The following TET3 variants were observed in gnomAD, a reference collection of about 807,000 sequenced individuals.
TET3 encodes the protein methylcytosine dioxygenase TET3.
TET3 carries 19 observed loss-of-function variants against 141.4 expected under a neutral mutation model. That is an observed-to-expected ratio of 0.13 (90% confidence interval 0.09 to 0.20). The LOEUF (loss-of-function observed/expected upper bound fraction) is 0.20. TET3 is among the 10% of genes least tolerant of loss of function. TET3 has a pLI of 1.00. For missense variants in TET3, 1,874 were observed against 2,356.9 expected, an observed-to-expected ratio of 0.80 and a Z score of 4.24; for synonymous variants, 1,043 against 980.9, an observed-to-expected ratio of 1.06 and a Z score of -1.18.
At chr2:74,133,641 C>G in the TET3 span, among the ~76,000 whole-genome samples, 3 of 152,220 alleles carry the variant, frequency 2.0e-5, no homozygotes, top group Non-Finnish European at 4.4e-5. Context: ...AACATGGCTG[C>G]CTTCCCTCAG....
chr2:74,073,567 A>G lies in TET3; in HGVS notation c.2513A>G (p.Asp838Gly). 6.2e-7 allele frequency: 1 copy of G among 1,609,780 alleles called. No homozygotes were observed. The change falls in exon 5 of 12, where the codon GAT becomes GGT. Residue 838 changes from aspartate to glycine, a missense_variant. By Grantham distance (94) the Asp-to-Gly change is moderately conservative. Transcript: ENST00000409262. ...TCTGCAGAACAAATAGTGGAGAAAG[A>G]TGAAGGTCCATATTATACTCACTTG... ...CDCVEQIVEK[D>G]EGPYYTHLGS...
the TET3 span, chr2:74,134,686 G>A: frequency 2.7e-3 from 1,243 of 456,662 alleles, 13 homozygotes; most frequent in African/African-American, 0.022. Flanking sequence ...GTCACAAGAT[G>A]TCTGAGAAAA....
intron 3 of TET3, among the ~76,000 whole-genome samples, chr2:74,016,771 T>A: frequency 6.7e-6 from 1 of 148,238 alleles, no homozygotes. Flanking sequence ...CCAATAAAAA[T>A]GTATAGGTTC....
At chr2:74,130,819 T>C in the TET3 span, 2 of 152,246 alleles carry the variant, frequency 1.3e-5, no homozygotes, top group Non-Finnish European at 2.9e-5. Flanking sequence ...AGGCATCTTC[T>C]GCGCGCAGGC....
chr2:74,089,931 A>T lies in TET3; in HGVS notation c.2923A>T (p.Thr975Ser). 6.2e-7 allele frequency: 1 copy of T among 1,614,032 alleles called. No homozygotes were observed. Among genetic ancestry groups the T allele is most frequent in the East Asian group, 2.2e-5 (1 of 44,882 alleles). The change falls in exon 8 of 12, where the codon ACC (threonine) becomes TCC (serine). Residue 975 changes from threonine (T) to serine (S), a missense_variant. Transcript: ENST00000409262. ...CGCTTGCCAAGGCAAAGACCCCAAC[A>T]CCTGTGGTGCCTCCTTCTCCTTTGG... The part of the protein sequence containing the change: ...TCACQGKDPN[T>S]CGASFSFGCS...
intron 3 of TET3, among the ~76,000 whole-genome samples, chr2:74,034,086 C>T (rs1573745269): frequency 6.6e-6 from 1 of 151,154 alleles, no homozygotes; most frequent in Admixed American, 6.6e-5. Context: ...ACAAGAGCAA[C>T]ACTCTGTCTC....
intron 2 of TET3, among the ~76,000 whole-genome samples, chr2:73,995,224 T>G (rs1684533850): frequency 6.6e-6 from 1 of 152,232 alleles, no homozygotes; most frequent in Non-Finnish European, 1.5e-5. Context: ...CCTCCCAAAG[T>G]GCTGAGATTA....
At chr2:74,079,436 A>T (rs1689688213) in intron 5 of TET3, among the ~76,000 whole-genome samples, 1 of 152,210 alleles carries the variant, frequency 6.6e-6, no homozygotes, top group African/African-American at 2.4e-5. Flanking sequence ...ATAGGTGGCA[A>T]ATGACCATTA....
At chr2:73,998,156 C>T (rs999144818) in intron 2 of TET3, among the ~76,000 whole-genome samples, 2 of 152,132 alleles carry the variant, frequency 1.3e-5, no homozygotes, top group East Asian at 3.9e-4. Context: ...TGTGTTAATT[C>T]CTCTTGGAAG....
Position 74,099,512 on chromosome 2 carries a change from G to A in TET3, c.3504G>A (p.Lys1168=), listed in dbSNP as rs770811006. ...GCCAGCGGCAGCTGGAAGCCAGAAA[G>A]GCAGCAGCCGAGAAGAAGAAGATTC... is the stretch of plus-strand genomic sequence containing the variant. ...SCRQRQLEAR[K]AAAEKKKIQK... Residue 1168 remains lysine, a synonymous_variant, in exon 11 of 12, where the codon AAG becomes AAA. Transcript: ENST00000409262. 4 of 1,613,242 alleles carry A rather than the reference G, an allele frequency of 2.5e-6. No individual in the cohort carries two copies. Among genetic ancestry groups the A allele is most frequent in the Non-Finnish European group, 3.4e-6 (4 of 1,179,644 alleles).
chr2:74,029,568 A>AT (rs1389575056), intron 3 of TET3, among the ~76,000 whole-genome samples: 1 of 152,244 alleles, frequency 6.6e-6, no homozygotes, highest in Admixed American at 6.5e-5. Context: ...ATACTCAGTC[A>AT]TCCCAGTTTT....
intron 6 of TET3, among the ~76,000 whole-genome samples, chr2:74,082,671 A>T (rs1159896721): frequency 1.3e-5 from 2 of 152,074 alleles, no homozygotes; most frequent in Non-Finnish European, 2.9e-5. Context: ...CATCTCCTTT[A>T]GTGTGGTGGA....
chr2:74,130,092 C>CG, the TET3 span, among the ~76,000 whole-genome samples: 1 of 66,060 alleles, frequency 1.5e-5, no homozygotes, highest in Non-Finnish European at 2.9e-5. Context: ...AAGAGTCTGT[C>CG]TCAAAAAAAA....
At chr2:74,130,050 G>T in the TET3 span, among the ~76,000 whole-genome samples, 1 of 148,410 alleles carries the variant, frequency 6.7e-6, no homozygotes, top group Non-Finnish European at 1.5e-5. Context: ...AGCGGAGATT[G>T]TGCCACTGTA....
rs1691501452 is a variant in TET3 at position 74,106,281 on chromosome 2, G to T, written c.*4105G>T. The T allele has an allele frequency of 6.6e-6, 1 of 152,162 alleles. No homozygotes were observed. The highest frequency in any genetic ancestry group is 1.5e-5 in the Non-Finnish European group (1 of 68,038). 9.4% of individuals were successfully genotyped at this position (152,162 alleles called of 1,614,324 possible). ...CTGCCTGGCTTGGCAGGTGCTTTTTGGTTCCACACCTGTCTTCTCAGGCTT... is the reference window on the plus strand; with the variant it reads ...CTGCCTGGCTTGGCAGGTGCTTTTTTGTTCCACACCTGTCTTCTCAGGCTT... On this transcript the variant is annotated 3_prime_UTR_variant, in exon 12 of 12. Coordinates refer to ENST00000409262, the MANE Select transcript of TET3 (RefSeq NM_001287491.2).
chr2:74,051,287 A>G (rs1483249236), intron 4 of TET3, among the ~76,000 whole-genome samples: 2 of 152,226 alleles, frequency 1.3e-5, no homozygotes, highest in Non-Finnish European at 2.9e-5. Flanking sequence ...CATCAGAGAA[A>G]CCAGACCTCC....
At chr2:74,108,415 A>G (rs1017116274), downstream of TET3, among the ~76,000 whole-genome samples, 3 of 152,112 alleles carry the variant, frequency 2.0e-5, no homozygotes, top group African/African-American at 4.8e-5. Flanking sequence ...TTTCTCATCT[A>G]TGTTTCTCTT....
Position 74,100,436 on chromosome 2 carries a change from C to T in TET3, c.3648C>T (p.Pro1216=). 1.3e-6 allele frequency: 2 copies of T among 1,576,836 alleles called. No homozygotes were observed. The highest frequency in any genetic ancestry group is 1.7e-6 in the Non-Finnish European group (2 of 1,161,532). Residue 1216 remains proline (P), a synonymous_variant, in exon 12 of 12, where the codon CCC becomes CCT. Transcript: ENST00000409262. ...KGGLSQQGLK[P]SLKVEPQNHF... ...GATTGTCCCAGCAAGGCCTGAAGCC[C>T]TCCCTCAAGGTGGAGCCGCAGAACC... is the stretch of plus-strand genomic sequence containing the variant.
intron 4 of TET3, among the ~76,000 whole-genome samples, chr2:74,068,644 T>C (rs1399307900): frequency 3.3e-5 from 5 of 152,240 alleles, no homozygotes; most frequent in African/African-American, 1.2e-4. Flanking sequence ...TTTGAAATTC[T>C]TTGAAATTGC....
Sources: allele counts gnomAD v4.1 joint callset (sites outside exome capture counted in the v4.1 genomes callset), GRCh38; gene constraint gnomAD v4.1.1; transcripts MANE v1.5; gene names NCBI Gene and HGNC (gene_info 2026-07-23, HGNC 2026-07-21).